AGBL4: variants seen among roughly 807,000 people sequenced by gnomAD.
AGBL4 encodes cytosolic carboxypeptidase 6.
In AGBL4, 58 loss-of-function variants were observed where a neutral mutation model predicts 66.4. The observed-to-expected ratio is 0.87, with a 90% CI of 0.71 to 1.09. The LOEUF (loss-of-function observed/expected upper bound fraction) is 1.09, where lower values mean the gene tolerates loss of function less well. AGBL4 is among the 50% of genes least tolerant of loss of function. The pLI, the probability that AGBL4 is intolerant of heterozygous loss-of-function variation, is 0.00. For missense variants in AGBL4, 579 were observed against 631.0 expected, an observed-to-expected ratio of 0.92 and a Z score of 0.88; for synonymous variants, 234 against 222.9, an observed-to-expected ratio of 1.05 and a Z score of -0.44.
chr1:48,796,812 G>A (rs1164194481), intron 6 of AGBL4, among the ~76,000 whole-genome samples: 1 of 152,170 alleles, frequency 6.6e-6, no homozygotes, highest in African/African-American at 2.4e-5. Context: ...TCCTGATCTT[G>A]ACCACAGAAT....
the AGBL4 span, among the ~76,000 whole-genome samples, chr1:48,526,920 G>A: frequency 6.6e-6 from 1 of 152,080 alleles, no homozygotes; most frequent in African/African-American, 2.4e-5. Flanking sequence ...GGACCCTGGG[G>A]CCATGAAGAT....
At chr1:49,115,725 T>G (rs1033395767) in intron 4 of AGBL4, among the ~76,000 whole-genome samples, 1 of 152,176 alleles carries the variant, frequency 6.6e-6, no homozygotes, top group Non-Finnish European at 1.5e-5. Context: ...AAAGTACACA[T>G]GTTATTCAAC....
intron 3 of AGBL4, among the ~76,000 whole-genome samples, chr1:49,294,533 T>A (rs992036062): frequency 6.6e-6 from 1 of 152,226 alleles, no homozygotes; most frequent in Non-Finnish European, 1.5e-5. Flanking sequence ...CTCTGCCAAC[T>A]GTGGCATGCC....
intron 2 of AGBL4, among the ~76,000 whole-genome samples, chr1:49,706,186 T>C (rs1479875999): frequency 6.6e-6 from 1 of 152,192 alleles, no homozygotes; most frequent in Admixed American, 6.5e-5. Flanking sequence ...CCTGGACTTT[T>C]GTTGGTTGGT....
Position 49,019,233 on chromosome 1 carries a change from C to T in AGBL4, c.594+26351G>A, listed in dbSNP as rs543458825. Among the ~76,000 whole-genome samples the T allele has an allele frequency of 9.9e-5, 15 of 152,146 alleles. No individual in the cohort carries two copies. In the South Asian group the frequency reaches 1.0e-3, roughly 11 times the overall value. ...GATAAGAGACGGGTTATATGCCATA[C>T]GAAGGAAAATTCTGTCCTGAAGAGA... On this transcript the variant is annotated intron_variant, in intron 5 of 13. Coordinates refer to ENST00000371839, the MANE Select transcript of AGBL4 (RefSeq NM_032785.4).
intron 6 of AGBL4, among the ~76,000 whole-genome samples, chr1:48,744,334 C>A (rs1389371590): frequency 2.0e-5 from 3 of 152,198 alleles, no homozygotes; most frequent in Non-Finnish European, 2.9e-5. Flanking sequence ...ACCAAAGTTT[C>A]TTCTCTCTGT....
chr1:49,396,036 C>T (rs1362100145), intron 3 of AGBL4, among the ~76,000 whole-genome samples: 1 of 151,278 alleles, frequency 6.6e-6, no homozygotes, highest in Admixed American at 6.6e-5. Context: ...ACCAAATTAT[C>T]CAGTAACCAG....
At chr1:48,798,352 A>C (rs1035189766) in intron 6 of AGBL4, among the ~76,000 whole-genome samples, 1 of 151,380 alleles carries the variant, frequency 6.6e-6, no homozygotes, top group Non-Finnish European at 1.5e-5. Context: ...GATTTGTCTG[A>C]GTTTCTTGTA....
At chr1:49,777,999 G>T (rs957358093) in intron 2 of AGBL4, among the ~76,000 whole-genome samples, 1 of 152,102 alleles carries the variant, frequency 6.6e-6, no homozygotes, top group East Asian at 1.9e-4. Context: ...TCTCTCCCCA[G>T]CTCTCATCTA....
intron 2 of AGBL4, among the ~76,000 whole-genome samples, chr1:49,734,293 G>C (rs911803828): frequency 6.6e-6 from 1 of 151,676 alleles, no homozygotes; most frequent in African/African-American, 2.4e-5. Flanking sequence ...AGGGGAGAGA[G>C]AGAGAGACAG....
intron 1 of AGBL4, among the ~76,000 whole-genome samples, chr1:49,948,466 TATATAAATATATAA>T (rs1557609819): frequency 1.0e-5 from 1 of 96,314 alleles, no homozygotes; most frequent in East Asian, 4.5e-4. Context: ...TATAGATAAA[TATATAAATATATAA>T]ATATAAATAT....
At chr1:49,329,402 A>T (rs142303934) in intron 3 of AGBL4, among the ~76,000 whole-genome samples, 1 of 152,230 alleles carries the variant, frequency 6.6e-6, no homozygotes, top group East Asian at 1.9e-4. Context: ...GCGGTGGTTC[A>T]TGCCCGTAAT....
chr1:48,780,940 A>T (rs781145061), intron 6 of AGBL4, among the ~76,000 whole-genome samples: 2 of 152,230 alleles, frequency 1.3e-5, no homozygotes, highest in Non-Finnish European at 2.9e-5. Context: ...GATCTAATTA[A>T]ACTAAAGAGC....
intron 2 of AGBL4, among the ~76,000 whole-genome samples, chr1:49,847,500 G>C (rs1267927957): frequency 1.3e-5 from 2 of 152,036 alleles, no homozygotes; most frequent in African/African-American, 4.8e-5. Flanking sequence ...GAAAATATCT[G>C]CACACTATAC....
At chr1:49,927,678 C>G (rs1207970390) in intron 1 of AGBL4, among the ~76,000 whole-genome samples, 1 of 109,924 alleles carries the variant, frequency 9.1e-6, no homozygotes, top group African/African-American at 3.2e-5. Flanking sequence ...TCAGAGGAGA[C>G]AAAAAAAAAA....
intron 2 of AGBL4, among the ~76,000 whole-genome samples, chr1:49,743,909 TG>T (rs1309471961): frequency 4.8e-5 from 3 of 61,978 alleles, no homozygotes; most frequent in African/African-American, 1.3e-4. Context: ...TATTGTGGGG[TG>T]GGGGGAGGGG....
At chr1:48,990,062 A>C (rs1185364399) in intron 5 of AGBL4, among the ~76,000 whole-genome samples, 2 of 152,066 alleles carry the variant, frequency 1.3e-5, no homozygotes, top group Non-Finnish European at 2.9e-5. Context: ...TATCTTTTGG[A>C]TATAAGCCAT....
chr1:50,018,936 T>C (rs556764696), intron 1 of AGBL4, among the ~76,000 whole-genome samples: 9 of 152,236 alleles, frequency 5.9e-5, no homozygotes, highest in Non-Finnish European at 1.0e-4. Flanking sequence ...CCCTTTTCCA[T>C]AATTCCAAAA....
chr1:49,342,502 TG>T (rs1284948152), intron 3 of AGBL4, among the ~76,000 whole-genome samples: 2 of 152,152 alleles, frequency 1.3e-5, no homozygotes, highest in Non-Finnish European at 2.9e-5. Flanking sequence ...TGTGACCATG[TG>T]GGGGTAATTT....
Sources: allele counts gnomAD v4.1 joint callset (sites outside exome capture counted in the v4.1 genomes callset), GRCh38; gene constraint gnomAD v4.1.1; transcripts MANE v1.5; gene names NCBI Gene and HGNC (gene_info 2026-07-23, HGNC 2026-07-21).